Variants in CD53 observed in about 807,000 individuals in gnomAD.
The protein encoded by CD53 is leukocyte surface antigen CD53.
CD53 carries 20 observed loss-of-function variants against 27.3 expected under a neutral mutation model. That is an observed-to-expected ratio of 0.73 (90% CI 0.52 to 1.07). CD53 has a LOEUF of 1.07. Among genes scored for constraint, CD53 ranks in the 50% least tolerant of loss-of-function variants. The pLI, the probability that CD53 is intolerant of heterozygous loss-of-function variation, is 0.00. For missense variants in CD53, 216 were observed against 264.0 expected (o/e 0.82, Z 1.26); for synonymous variants, 106 against 105.3 (o/e 1.01, Z -0.04).
intron 4 of CD53, 76 bp downstream of exon 4, chr1:110,894,477 T>C: frequency 9.0e-7 from 1 of 1,108,584 alleles, no homozygotes; most frequent in Non-Finnish European, 1.4e-6. Flanking sequence ...TGGTACAAAG[T>C]TACAGAATAA....
chr1:110,879,716 G>C (rs527269357), intron 1 of CD53, among the ~76,000 whole-genome samples: 1 of 151,942 alleles, frequency 6.6e-6, no homozygotes, highest in East Asian at 1.9e-4. Context: ...ACTGATAGAG[G>C]TTCTTTTTTT....
intron 5 of CD53, among the ~76,000 whole-genome samples, chr1:110,895,277 GT>G (rs1657014600): frequency 6.6e-6 from 1 of 152,046 alleles, no homozygotes. Context: ...ACATGAATAG[GT>G]TTATTTTCTA....
intron 1 of CD53, among the ~76,000 whole-genome samples, chr1:110,883,270 ATG>A (rs992308125): frequency 2.0e-5 from 3 of 151,972 alleles, no homozygotes; most frequent in Admixed American, 2.0e-4. Context: ...TCAAAAATAG[ATG>A]TTGAATTTTG....
At chr1:110,892,746 T>G in intron 3 of CD53, 1 of 498,622 alleles carries the variant, frequency 2.0e-6, no homozygotes, top group South Asian at 3.4e-5. Context: ...CTATCCCCCT[T>G]GTAGCCATTT....
At position 110,894,365 on chromosome 1, in the gene CD53, G is replaced by T; in HGVS notation, c.291G>T (p.Val97=). The stretch of plus-strand genomic sequence containing the variant: ...TGCTGATTATCCTCCTTGCTGAGGT[G>T]ACCTTGGCCATCCTGCTCTTTGTAT... ...ILLLIILLAE[V]TLAILLFVYE... is the part of the protein sequence containing the mutation. Residue 97 remains valine (V), a synonymous_variant, in exon 4 of 8, where the codon GTG becomes GTT. Transcript: ENST00000271324. 6.2e-7 allele frequency: 1 copy of T among 1,614,106 alleles called. No homozygotes were observed. Among genetic ancestry groups the T allele is most frequent in the South Asian group, 1.1e-5 (1 of 91,068 alleles).
chr1:110,899,126 G>C lies in CD53; in HGVS notation c.591G>C (p.Val197=), dbSNP rs776067142. 6.2e-7 allele frequency: 1 copy of C among 1,613,542 alleles called. No homozygotes were observed. Among genetic ancestry groups the C allele is most frequent in the Non-Finnish European group, 8.5e-7 (1 of 1,179,562 alleles). The change falls in exon 8 of 8, where the codon GTG becomes GTC. Residue 197 remains valine, a splice_region_variant and synonymous_variant. Coordinates refer to ENST00000271324, the MANE Select transcript of CD53 (RefSeq NM_000560.4). ...IITICVCVIE[V]LGMSFALTLN... ...AATTTTCCCAACTCTTTTCACAGGT[G>C]TTGGGGATGTCCTTTGCACTGACCC...
intron 7 of CD53, 141 bp downstream of exon 7, chr1:110,898,033 C>T (rs1657138900): frequency 2.0e-6 from 1 of 509,780 alleles, no homozygotes; most frequent in Non-Finnish European, 3.5e-6. Flanking sequence ...AGCCAAGTAG[C>T]AAATAATGTA....
upstream of CD53, among the ~76,000 whole-genome samples, chr1:110,872,835 A>C (rs114914216): frequency 1.3e-5 from 2 of 152,206 alleles, no homozygotes; most frequent in African/African-American, 4.8e-5. Context: ...ACAAATACAC[A>C]GTTAATTCTG....
At chr1:110,894,859 G>T in intron 4 of CD53, 101 bp from the exon 5 acceptor site, 1 of 841,878 alleles carries the variant, frequency 1.2e-6, no homozygotes, top group East Asian at 2.5e-5. Context: ...CCATTTGGAA[G>T]GGAAGCGCAA....
At chr1:110,897,773 T>C in intron 6 of CD53, 36 bp from the exon 7 acceptor site, 1 of 1,249,878 alleles carries the variant, frequency 8.0e-7, no homozygotes, top group South Asian at 1.2e-5. Context: ...GGTGGAATTA[T>C]AGAGTAGTAT....
At chr1:110,885,398 C>T (rs553384632) in intron 1 of CD53, among the ~76,000 whole-genome samples, 4 of 152,044 alleles carry the variant, frequency 2.6e-5, no homozygotes, top group Admixed American at 1.3e-4. Flanking sequence ...ATTAGCTGGA[C>T]GTGGTGGCAG....
intron 7 of CD53, among the ~76,000 whole-genome samples, chr1:110,898,156 T>C (rs538968016): frequency 5.9e-5 from 9 of 152,176 alleles, no homozygotes; most frequent in Non-Finnish European, 1.2e-4. Context: ...GGCAGGCAGA[T>C]CACGAGGTCA....
At chr1:110,886,869 A>ATATATATATATATATTTTTTT (rs1298376721) in intron 1 of CD53, among the ~76,000 whole-genome samples, 4 of 82,800 alleles carry the variant, frequency 4.8e-5, no homozygotes, top group Non-Finnish European at 6.7e-5. Flanking sequence ...ATATATATAT[A>ATATATATATATATATTTTTTT]TTTTTTTTTT....
rs1262062497 is a variant in CD53, at chr1:110,895,168, G to A, written c.423+113G>A. On this transcript the variant is annotated intron_variant, in intron 5 of 7. Coordinates refer to ENST00000271324, the MANE Select transcript of CD53 (RefSeq NM_000560.4). ...TTCAGAATCTAAGGTCCACATCCCT[G>A]AATCCCAGAATAATGCCTTGGCTAT... 4 of 745,652 alleles carry A rather than the reference G, an allele frequency of 5.4e-6. No homozygotes were observed. In the East Asian group the frequency reaches 1.0e-4, roughly 19 times the overall value. 46.2% of individuals were successfully genotyped at this position (745,652 alleles called of 1,614,324 possible).
At chr1:110,891,215 G>A (rs892318159) in intron 1 of CD53, among the ~76,000 whole-genome samples, 177 bp from the exon 2 acceptor site, 2 of 152,238 alleles carry the variant, frequency 1.3e-5, no homozygotes, top group African/African-American at 2.4e-5. Context: ...TGTCTAAGAT[G>A]AGCCAGTTGG....
chr1:110,873,908 G>T (rs1007305852), intron 1 of CD53, among the ~76,000 whole-genome samples: 2 of 152,196 alleles, frequency 1.3e-5, no homozygotes, highest in Non-Finnish European at 2.9e-5. Context: ...TATCCTTGGT[G>T]TACAAAACAT....
chr1:110,892,303 A>C, intron 2 of CD53, 42 bp from the exon 3 acceptor site: 5 of 1,475,462 alleles, frequency 3.4e-6, no homozygotes, highest in Non-Finnish European at 4.7e-6. Context: ...ATACCCAAGA[A>C]CCACATTTTG....
chr1:110,871,814 T>TACACACAC (rs3068856), upstream of CD53, among the ~76,000 whole-genome samples: 23,905 of 145,544 alleles, frequency 0.16, 2,007 homozygotes, highest in East Asian at 0.27. Flanking sequence ...CAAGAGAAAC[T>TACACACAC]ACACACACAC....
chr1:110,879,760 G>T (rs1481105755), intron 1 of CD53, among the ~76,000 whole-genome samples: 6 of 151,888 alleles, frequency 4.0e-5, no homozygotes, highest in Admixed American at 3.9e-4. Context: ...TAGAGACAGG[G>T]TCTCTCTATG....
Sources: gnomAD v4.1 joint callset for allele counts (sites outside exome capture counted in the v4.1 genomes callset) on GRCh38, gnomAD v4.1.1 for gene constraint, MANE v1.5 for transcripts, NCBI Gene and HGNC (gene_info 2026-07-23, HGNC 2026-07-21) for gene names.